The following IQGAP3 variants were observed in gnomAD, a reference collection of about 807,000 sequenced individuals.
IQGAP3 encodes the protein ras GTPase-activating-like protein IQGAP3.
Under a neutral mutation model 208.2 loss-of-function variants are expected in IQGAP3, and 165 were observed. The ratio of observed to expected loss-of-function variants is 0.79; its 90% confidence interval spans 0.70 to 0.90. The LOEUF (loss-of-function observed/expected upper bound fraction) is 0.90. Among genes scored for constraint, IQGAP3 ranks in the 40% least tolerant of loss-of-function variants. The pLI is 0.00. For synonymous variants in IQGAP3, 703 were observed against 803.6 expected (o/e 0.87, Z 2.12); for missense variants, 1,811 against 2,043.1 (o/e 0.89, Z 2.19).
At chr1:156,555,171 C>T (rs946840054) in intron 12 of IQGAP3, among the ~76,000 whole-genome samples, 2 of 152,190 alleles carry the variant, frequency 1.3e-5, no homozygotes, top group African/African-American at 4.8e-5. Context: ...ATTTCCCTGC[C>T]CTGTCCTTCT....
chr1:156,548,576 A>G lies in IQGAP3; in HGVS notation c.1993+5T>C. 6.3e-7 allele frequency: 1 copy of G among 1,598,930 alleles called. No homozygotes were observed. Among genetic ancestry groups the G allele is most frequent in the Non-Finnish European group, 8.5e-7 (1 of 1,169,880 alleles). On this transcript the variant is annotated splice_donor_5th_base_variant and intron_variant, in intron 17 of 37. Transcript: ENST00000361170. ...CGAAGAGGAGGGTCAGGTTGGGGCC[A>G]TTACCTGGACGCTGTTTCTTTGCCA... is the stretch of plus-strand genomic sequence containing the variant.
chr1:156,547,384 CACAG>C (rs749913223), intron 19 of IQGAP3, among the ~76,000 whole-genome samples: 6 of 96,362 alleles, frequency 6.2e-5, no homozygotes, highest in South Asian at 4.6e-4. Context: ...GACACAGACA[CACAG>C]ACACACACAC....
rs576808836 is a variant in IQGAP3 at position 156,535,361 on chromosome 1, G to A, written c.3423-114C>T. The A allele has an allele frequency of 7.0e-6, 5 of 719,286 alleles. No homozygotes were observed. The African/African-American group carries it at 8.8e-5, about 13-fold the overall frequency. The allele number at this position is 719,286 out of a possible 1,614,324, so 44.6% of individuals were successfully genotyped here. ...CTCCCCCAGGCTCAGCCACTCCAGA[G>A]TAGAGCTCAAGCACTGTCCCTCCAC... is the stretch of plus-strand genomic sequence containing the variant. On this transcript the variant is annotated intron_variant, in intron 27 of 37. Transcript: ENST00000361170.
At chr1:156,569,306 C>A in intron 2 of IQGAP3, 70 bp downstream of exon 2, 1 of 950,966 alleles carries the variant, frequency 1.1e-6, no homozygotes, top group Non-Finnish European at 1.7e-6. Context: ...TTTGCTTTAG[C>A]GGCAGATGCC....
At chr1:156,546,719 T>C (rs1224585021) in intron 19 of IQGAP3, among the ~76,000 whole-genome samples, 2 of 152,154 alleles carry the variant, frequency 1.3e-5, no homozygotes, top group African/African-American at 2.4e-5. Flanking sequence ...AGGTGCCCAA[T>C]GTCATATGAC....
chr1:156,548,116 G>A lies in IQGAP3; in HGVS notation c.2261C>T (p.Ser754Phe). Residue 754 changes from serine (S) to phenylalanine (F), a missense_variant, in exon 19 of 38, where the codon TCC (serine) becomes TTC (phenylalanine). Coordinates refer to ENST00000361170, the MANE Select transcript of IQGAP3 (RefSeq NM_178229.5). Reference sequence around the variant, plus strand: ...TGGGAGCCAGGTCCTCAGAAAGTGGGAATGCTCAGCAAACTTCTGCCGAAC... The same window carrying A: ...TGGGAGCCAGGTCCTCAGAAAGTGGAAATGCTCAGCAAACTTCTGCCGAAC... ...FLVRQKFAEH[S>F]HFLRTWLPAV... 2 of 1,613,846 alleles carry A rather than the reference G, an allele frequency of 1.2e-6. No individual in the cohort carries two copies. The highest frequency in any genetic ancestry group is 1.7e-6 in the Non-Finnish European group (2 of 1,179,844).
Position 156,563,420 on chromosome 1 carries a change from C to T in IQGAP3, c.620-108G>A, listed in dbSNP as rs374946797. 8 of 1,355,212 alleles carry T rather than the reference C, an allele frequency of 5.9e-6. No homozygotes were observed. In the East Asian group the frequency reaches 9.9e-5, roughly 17 times the overall value. The allele number at this position is 1,355,212 out of a possible 1,614,324, so 83.9% of individuals were successfully genotyped here. On this transcript the variant is annotated intron_variant, in intron 7 of 37. Coordinates refer to ENST00000361170, the MANE Select transcript of IQGAP3 (RefSeq NM_178229.5). ...TCATCCTTTTTCCCACCCTCAAGGG[C>T]CAGACAAACCAGGTAGCCTGATGGC...
intron 26 of IQGAP3, among the ~76,000 whole-genome samples, chr1:156,537,959 G>A (rs1220144823): frequency 6.6e-6 from 1 of 150,970 alleles, no homozygotes; most frequent in Non-Finnish European, 1.5e-5. Context: ...GTGCAGTGGT[G>A]CAATCTCGGC....
chr1:156,571,365 C>T (rs756257618), intron 1 of IQGAP3, among the ~76,000 whole-genome samples: 6 of 152,006 alleles, frequency 3.9e-5, no homozygotes, highest in African/African-American at 1.2e-4. Context: ...ATGTCATTCC[C>T]GGTTGTTATC....
intron 8 of IQGAP3, 67 bp from the exon 9 acceptor site, chr1:156,562,732 G>A: frequency 7.6e-7 from 1 of 1,317,146 alleles, no homozygotes; most frequent in South Asian, 1.2e-5. Flanking sequence ...GCTCTTCCCT[G>A]CCTGGCTACA....
chr1:156,544,450 T>C lies in IQGAP3; in HGVS notation c.2327A>G (p.Gln776Arg). 3 of 1,614,106 alleles carry C rather than the reference T, an allele frequency of 1.9e-6. No homozygotes were observed. Among genetic ancestry groups the C allele is most frequent in the African/African-American group, 1.3e-5 (1 of 75,034 alleles). The change falls in exon 20 of 38, where the codon CAG becomes CGG. Residue 776 changes from glutamine to arginine, a missense_variant. By Grantham distance (43) the Gln-to-Arg change is conservative (BLOSUM62 1). Transcript: ENST00000361170. ...KIQAHWRGYR[Q>R]RKIYLEWLQY... is the part of the protein sequence containing the mutation. ...CAACCACTCCAGGTAAATCTTCCGC[T>C]GCCTATAACCCCGCCAATGAGCCTG...
chr1:156,547,450 G>A (rs757285528), intron 19 of IQGAP3, among the ~76,000 whole-genome samples: 1 of 150,556 alleles, frequency 6.6e-6, no homozygotes, highest in African/African-American at 2.5e-5. Context: ...TTTAGAGACA[G>A]GGTCTCGCTC....
At chr1:156,535,303 AGAGAT>A in intron 27 of IQGAP3, 56 bp from the exon 28 acceptor site, 2 of 1,256,412 alleles carry the variant, frequency 1.6e-6, no homozygotes, top group South Asian at 2.6e-5. Context: ...TCTCTCTGCC[AGAGAT>A]AAGAGCTTGA....
At chr1:156,530,978 T>C (rs1674365084) in intron 33 of IQGAP3, among the ~76,000 whole-genome samples, 182 bp downstream of exon 33, 1 of 152,190 alleles carries the variant, frequency 6.6e-6, no homozygotes, top group South Asian at 2.1e-4. Context: ...AGCCCGAGGC[T>C]TCCCAAGGCT....
At position 156,552,054 on chromosome 1, in the gene IQGAP3, A is replaced by G; in HGVS notation, c.1490T>C (p.Met497Thr). Residue 497 changes from methionine (M) to threonine (T), a missense_variant, in exon 14 of 38, where the codon ATG becomes ACG. Met to Thr is a moderately conservative substitution (Grantham distance 81). Coordinates refer to ENST00000361170, the MANE Select transcript of IQGAP3 (RefSeq NM_178229.5). ...ALLKLRQERG[M>T]GEDFLSWNDL... is the part of the protein sequence containing the mutation. ...ATTCCAGCTCAGGAAGTCCTCACCC[A>G]TCCCACGCTCCTGTCGCAATTTCAG... 6.2e-7 allele frequency: 1 copy of G among 1,614,148 alleles called. No individual in the cohort carries two copies. The highest frequency in any genetic ancestry group is 8.5e-7 in the Non-Finnish European group (1 of 1,180,030).
chr1:156,548,508 C>T, intron 17 of IQGAP3, 21 bp from the exon 18 acceptor site: 2 of 1,611,032 alleles, frequency 1.2e-6, no homozygotes, highest in South Asian at 2.2e-5. Flanking sequence ...ACCAAGCAAG[C>T]AGAAAAGGTT....
intron 34 of IQGAP3, 40 bp downstream of exon 34, chr1:156,530,065 C>A: frequency 6.7e-7 from 1 of 1,482,630 alleles, no homozygotes; most frequent in Non-Finnish European, 9.2e-7. Context: ...CACACACACA[C>A]GTACACACAG....
Position 156,544,427 on chromosome 1 carries a change from A to G in IQGAP3, c.2350T>C (p.Leu784=). The G allele has an allele frequency of 6.2e-7, 1 of 1,614,080 alleles. No individual in the cohort carries two copies. The highest frequency in any genetic ancestry group is 8.5e-7 in the Non-Finnish European group (1 of 1,179,976). Residue 784 remains leucine, a synonymous_variant, in exon 20 of 38, where the codon TTG becomes CTG. Coordinates refer to ENST00000361170, the MANE Select transcript of IQGAP3 (RefSeq NM_178229.5). ...TCCAGGTTTGCTTTAAAATACTGCA[A>G]CCACTCCAGGTAAATCTTCCGCTGC... ...YRQRKIYLEW[L]QYFKANLDAI... is the part of the protein sequence containing the mutation.
chr1:156,555,056 TA>T (rs1212324574), intron 12 of IQGAP3, among the ~76,000 whole-genome samples: 5 of 146,462 alleles, frequency 3.4e-5, no homozygotes, highest in Admixed American at 1.4e-4. Flanking sequence ...CGTCTTAAAA[TA>T]AAAAAAAAAA....
Sources: allele counts gnomAD v4.1 joint callset (sites outside exome capture counted in the v4.1 genomes callset), GRCh38; gene constraint gnomAD v4.1.1; transcripts MANE v1.5; gene names NCBI Gene and HGNC (gene_info 2026-07-23, HGNC 2026-07-21).